The following NDUFA10 variants were observed in gnomAD, a reference collection of about 807,000 sequenced individuals.
NDUFA10 encodes the protein NADH:ubiquinone oxidoreductase subunit A10, also known as NADH dehydrogenase [ubiquinone] 1 alpha subcomplex subunit 10, mitochondrial.
NDUFA10 carries 40 observed loss-of-function variants against 47.8 expected under a neutral mutation model. That is an observed-to-expected ratio of 0.84 (90% CI 0.65 to 1.09). The LOEUF is 1.09. Among genes scored for constraint, NDUFA10 ranks in the 50% least tolerant of loss-of-function variants. The pLI is 0.00. For missense variants in NDUFA10, 413 were observed against 451.1 expected (o/e 0.92, Z 0.76); for synonymous variants, 183 against 172.2 (o/e 1.06, Z -0.49).
At chr2:239,937,868 G>A (rs1253258925) in intron 4 of NDUFA10, among the ~76,000 whole-genome samples, 2 of 152,124 alleles carry the variant, frequency 1.3e-5, no homozygotes, top group South Asian at 2.1e-4. Context: ...GTGGAAGCCC[G>A]ACTTTAATTG....
chr2:240,021,161 G>A (rs1465484068), intron 3 of NDUFA10, 36 bp downstream of exon 3: 1 of 1,562,488 alleles, frequency 6.4e-7, no homozygotes, highest in South Asian at 1.1e-5. Flanking sequence ...TAGTGTTCAA[G>A]TACAGAACAG....
At chr2:240,025,085 A>T in intron 1 of NDUFA10, 142 bp downstream of exon 1, 1 of 775,692 alleles carries the variant, frequency 1.3e-6, no homozygotes, top group Non-Finnish European at 1.9e-6. Flanking sequence ...ACAATTCCGG[A>T]GGCAGGAGGG....
At position 239,990,059 on chromosome 2, in the gene NDUFA10, T is replaced by C. The variant is rs980415625; in HGVS notation, c.999+15A>G. The C allele has an allele frequency of 1.9e-6, 3 of 1,580,694 alleles. No individual in the cohort carries two copies. Among genetic ancestry groups the C allele is most frequent in the African/African-American group, 1.3e-5 (1 of 74,330 alleles). On this transcript the variant is annotated intron_variant, in intron 9 of 9. Transcript: ENST00000252711. ...CTCATCCACTGGCCAGCTTTCTCCA[T>C]TTCCACAGTCTTACCTCTCTGAACT...
chr2:240,020,277 C>T (rs1441911527), intron 3 of NDUFA10, among the ~76,000 whole-genome samples: 1 of 152,164 alleles, frequency 6.6e-6, no homozygotes, highest in African/African-American at 2.4e-5. Context: ...ATCAGGGGCA[C>T]TGCCAATCAA....
At chr2:239,930,657 T>C (rs1694152342) in intron 4 of NDUFA10, among the ~76,000 whole-genome samples, 1 of 151,852 alleles carries the variant, frequency 6.6e-6, no homozygotes. Context: ...GGCGGGGTTG[T>C]GGGAAACAGG....
intron 4 of NDUFA10, among the ~76,000 whole-genome samples, chr2:239,934,659 G>A (rs909117897): frequency 6.6e-6 from 1 of 152,170 alleles, no homozygotes; most frequent in East Asian, 1.9e-4. Flanking sequence ...AGTAAGTGCA[G>A]AGTCATCCTA....
At chr2:240,025,164 T>TCG in intron 1 of NDUFA10, 63 bp downstream of exon 1, 1 of 594,916 alleles carries the variant, frequency 1.7e-6, no homozygotes. Context: ...GTGGAACTGC[T>TCG]CCCCACCCCG....
At chr2:239,967,021 G>A (rs1695100215) in intron 9 of NDUFA10, among the ~76,000 whole-genome samples, 1 of 152,046 alleles carries the variant, frequency 6.6e-6, no homozygotes, top group Non-Finnish European at 1.5e-5. Context: ...TTCCAGCCTA[G>A]GGCTGTGTCT....
chr2:240,022,328 T>C lies in NDUFA10; in HGVS notation c.88A>G (p.Ser30Gly). ...AGAQRVRGIH[S>G]SVQCKLRYGM... The stretch of plus-strand genomic sequence containing the variant: ...TAGCGCAGTTTGCACTGCACACTGC[T>C]ATGAATTCCTCTCTGAAAAACACAA... The change falls in exon 2 of 10, where the codon AGC becomes GGC. Residue 30 changes from serine to glycine, a missense_variant. Physicochemically the swap from Ser to Gly is moderately conservative, Grantham distance 56 (BLOSUM62 0). Coordinates refer to ENST00000252711, the MANE Select transcript of NDUFA10 (RefSeq NM_004544.4). 6.2e-7 allele frequency: 1 copy of C among 1,614,104 alleles called. No individual in the cohort carries two copies. The highest frequency in any genetic ancestry group is 8.5e-7 in the Non-Finnish European group (1 of 1,180,012).
chr2:240,014,756 T>G lies in NDUFA10; in HGVS notation c.652A>C (p.Ile218Leu). 1 of 1,614,240 alleles carries G rather than the reference T, an allele frequency of 6.2e-7. No individual in the cohort carries two copies. Among genetic ancestry groups the G allele is most frequent in the Non-Finnish European group, 8.5e-7 (1 of 1,180,044 alleles). The part of the protein sequence containing the change: ...DVPVPEVQRR[I>L]QKKGDPHEMK... ...TGCATTACATCTCCTTTCTTCTGAA[T>G]CCGCCTCTGGACCTCTGGAACGGGC... The change falls in exon 5 of 10, where the codon ATT becomes CTT. Residue 218 changes from isoleucine (I) to leucine (L), a missense_variant. Ile to Leu is a conservative substitution (Grantham distance 5). Transcript: ENST00000252711.
intron 8 of NDUFA10, among the ~76,000 whole-genome samples, chr2:239,997,111 T>C (rs987436840): frequency 6.6e-6 from 1 of 152,042 alleles, no homozygotes. Flanking sequence ...CCAAGGTTGG[T>C]TGAATCCAAG....
intron 8 of NDUFA10, among the ~76,000 whole-genome samples, chr2:239,994,512 T>A (rs900936543): frequency 9.2e-5 from 14 of 151,958 alleles, no homozygotes; most frequent in African/African-American, 3.4e-4. Context: ...TCCCACTGAT[T>A]TTACATCATG....
intron 9 of NDUFA10, among the ~76,000 whole-genome samples, chr2:239,970,794 A>G (rs994968684): frequency 2.0e-5 from 3 of 152,254 alleles, no homozygotes; most frequent in South Asian, 4.1e-4. Flanking sequence ...CACAAAGGAA[A>G]TAAGATGGAA....
intron 8 of NDUFA10, among the ~76,000 whole-genome samples, chr2:239,996,708 T>A (rs1574863968): frequency 1.3e-5 from 2 of 152,314 alleles, no homozygotes; most frequent in East Asian, 3.9e-4. Context: ...ACACTTTAAA[T>A]GAAGCTTGTC....
chr2:239,895,846 C>T (rs2106459714), intron 4 of NDUFA10, among the ~76,000 whole-genome samples: 1 of 152,344 alleles, frequency 6.6e-6, no homozygotes, highest in East Asian at 1.9e-4. Flanking sequence ...GTGCTACTGC[C>T]TTCTTGACAC....
downstream of NDUFA10, among the ~76,000 whole-genome samples, chr2:239,955,472 T>A (rs745343789): frequency 1.1e-4 from 16 of 152,194 alleles, no homozygotes; most frequent in Non-Finnish European, 2.2e-4. Context: ...ACAAGGGACT[T>A]TCAGGAGCTG....
chr2:239,968,589 C>G (rs1449007349), intron 9 of NDUFA10, among the ~76,000 whole-genome samples: 1 of 152,174 alleles, frequency 6.6e-6, no homozygotes, highest in East Asian at 1.9e-4. Context: ...TTGCATCTGA[C>G]TCTGGGCAGG....
chr2:239,957,611 T>C lies in NDUFA10; in HGVS notation c.*3507A>G, dbSNP rs1366653682. The C allele has an allele frequency of 6.6e-6, 1 of 152,226 alleles. No homozygotes were observed. The highest frequency in any genetic ancestry group is 1.5e-5 in the Non-Finnish European group (1 of 68,032). 9.4% of individuals were successfully genotyped at this position (152,226 alleles called of 1,614,324 possible). A position where few individuals can be genotyped will look rare whatever the true frequency, so the allele number is the denominator to read the frequency against. On this transcript the variant is annotated 3_prime_UTR_variant, in exon 10 of 10. Coordinates refer to ENST00000252711, the MANE Select transcript of NDUFA10 (RefSeq NM_004544.4). ...TTACTCACATGCTTAAAGATAAAATTTGACAGTTTCATTTGTCTTCCTATT... is the reference window on the plus strand; with the variant it reads ...TTACTCACATGCTTAAAGATAAAATCTGACAGTTTCATTTGTCTTCCTATT...
At chr2:239,982,651 T>C (rs1695823216) in intron 9 of NDUFA10, among the ~76,000 whole-genome samples, 1 of 152,228 alleles carries the variant, frequency 6.6e-6, no homozygotes, top group Non-Finnish European at 1.5e-5. Context: ...TTTTTCTAGC[T>C]ATGCCTGTTG....
Sources: allele counts gnomAD v4.1 joint callset (sites outside exome capture counted in the v4.1 genomes callset), GRCh38; gene constraint gnomAD v4.1.1; transcripts MANE v1.5; gene names NCBI Gene and HGNC (gene_info 2026-07-23, HGNC 2026-07-21).